The following SORCS2 variants were observed in gnomAD, a reference collection of about 807,000 sequenced individuals.
SORCS2 encodes sortilin related VPS10 domain containing receptor 2.
A neutral mutation model predicts 141.6 loss-of-function variants in SORCS2; 100 were observed. The observed-to-expected ratio is 0.71, with a 90% confidence interval of 0.60 to 0.83. SORCS2 has a LOEUF of 0.83. Among genes scored for constraint, SORCS2 ranks in the 40% least tolerant of loss-of-function variants. SORCS2 has a pLI of 0.00. For missense variants in SORCS2, 1,646 were observed against 1,560.2 expected, an observed-to-expected ratio of 1.05 and a Z score of -0.93; for synonymous variants, 789 against 676.9, an observed-to-expected ratio of 1.17 and a Z score of -2.57.
intron 5 of SORCS2, among the ~76,000 whole-genome samples, chr4:7,656,189 G>A (rs1022155913): frequency 2.6e-5 from 4 of 152,232 alleles, no homozygotes; most frequent in African/African-American, 7.2e-5. Context: ...ACTCATTAAC[G>A]TTTTGTGAAG....
In SORCS2 at chr4:7,661,572, G is replaced by T. The variant is rs531990014; in HGVS notation, c.952+8G>T. 1.3e-6 allele frequency: 2 copies of T among 1,551,640 alleles called. No homozygotes were observed. Among genetic ancestry groups the T allele is most frequent in the Non-Finnish European group, 1.7e-6 (2 of 1,147,018 alleles). Reference sequence around the variant, plus strand: ...CCCAAGACCTCGGTGGAGGTAAGCCGGGCAGTGCACAGGCACCGGGTATCC... The same window carrying T: ...CCCAAGACCTCGGTGGAGGTAAGCCTGGCAGTGCACAGGCACCGGGTATCC... On this transcript the variant is annotated splice_region_variant and intron_variant, in intron 6 of 26. Transcript: ENST00000507866.
intron 1 of SORCS2, among the ~76,000 whole-genome samples, chr4:7,362,059 G>T (rs765003100): frequency 6.6e-5 from 10 of 152,202 alleles, no homozygotes; most frequent in African/African-American, 1.2e-4. Context: ...GCGTGGATTT[G>T]TCCTTGCCTC....
chr4:7,566,562 G>A (rs933987673), intron 3 of SORCS2, among the ~76,000 whole-genome samples: 5 of 152,266 alleles, frequency 3.3e-5, no homozygotes. Flanking sequence ...ACCAGCTGCA[G>A]TGACAAGCAA....
intron 26 of SORCS2, among the ~76,000 whole-genome samples, chr4:7,739,911 G>C (rs1044490997): frequency 6.6e-6 from 1 of 152,190 alleles, no homozygotes; most frequent in African/African-American, 2.4e-5. Flanking sequence ...CCGATGCCGG[G>C]GGCGATCCCC....
At chr4:7,212,483 A>T (rs575978552) in intron 1 of SORCS2, among the ~76,000 whole-genome samples, 1 of 152,344 alleles carries the variant, frequency 6.6e-6, no homozygotes, top group Non-Finnish European at 1.5e-5. Flanking sequence ...GGCTTCAGGC[A>T]TGACTGGCTC....
At chr4:7,255,340 T>G (rs1713783703) in intron 1 of SORCS2, among the ~76,000 whole-genome samples, 1 of 152,146 alleles carries the variant, frequency 6.6e-6, no homozygotes, top group African/African-American at 2.4e-5. Flanking sequence ...TCCTTGTTCA[T>G]CTTCATATTG....
chr4:7,210,391 C>T (rs780878186), intron 1 of SORCS2, among the ~76,000 whole-genome samples: 16 of 152,264 alleles, frequency 1.1e-4, no homozygotes, highest in Non-Finnish European at 1.3e-4. Flanking sequence ...ACGCCCTCCT[C>T]CTGCCTCGGC....
Position 7,612,594 on chromosome 4 carries a change from TG to T in SORCS2, c.649-25731del, listed in dbSNP as rs1430858677. The stretch of plus-strand genomic sequence containing the variant: ...AAGACCCCAGCCTGCCCTGCTCCCC[TG>T]GGCCCCACGCAGTGACTCGGCTGGG... On this transcript the variant is annotated intron_variant, in intron 3 of 26. Transcript: ENST00000507866. Among the ~76,000 whole-genome samples, 10 of 152,244 alleles carry T rather than the reference TG, an allele frequency of 6.6e-5. No homozygotes were observed. The East Asian group carries it at 1.7e-3, about 27-fold the overall frequency.
chr4:7,535,853 C>T (rs768643696), intron 3 of SORCS2, among the ~76,000 whole-genome samples: 39 of 152,244 alleles, frequency 2.6e-4, no homozygotes, highest in Non-Finnish European at 4.0e-4. Flanking sequence ...TCTGCACCCA[C>T]CTGGTTCCCT....
At chr4:7,479,781 T>C (rs1048396646) in intron 2 of SORCS2, among the ~76,000 whole-genome samples, 8 of 152,232 alleles carry the variant, frequency 5.3e-5, no homozygotes, top group Non-Finnish European at 1.2e-4. Context: ...TGAATGTGAA[T>C]GTGAATGTCC....
At chr4:7,538,379 C>G (rs1712299160) in intron 3 of SORCS2, among the ~76,000 whole-genome samples, 1 of 152,222 alleles carries the variant, frequency 6.6e-6, no homozygotes, top group African/African-American at 2.4e-5. Context: ...CACACATCCC[C>G]TGCAATGCTC....
chr4:7,348,840 A>G (rs760366799), intron 1 of SORCS2, among the ~76,000 whole-genome samples: 24 of 152,216 alleles, frequency 1.6e-4, no homozygotes, highest in Non-Finnish European at 2.6e-4. Flanking sequence ...GGCATGAGCC[A>G]CTGCACCAGG....
intron 3 of SORCS2, among the ~76,000 whole-genome samples, chr4:7,556,050 G>T (rs1312020720): frequency 6.6e-6 from 1 of 152,212 alleles, no homozygotes. Context: ...TGGGAGAAAT[G>T]GGGAGCCAGT....
In SORCS2 at chr4:7,427,547, G is replaced by A. The variant is rs762511627; in HGVS notation, c.548+31192G>A. Among the ~76,000 whole-genome samples the A allele has an allele frequency of 3.3e-5, 5 of 152,210 alleles. No individual in the cohort carries two copies. The South Asian group carries it at 1.0e-3, about 32-fold the overall frequency. ...AGCATACTTCCTCCTGCCTTTGGCA[G>A]CTGACCATCTGTGTTAGTGCGTTCT... is the stretch of plus-strand genomic sequence containing the variant. On this transcript the variant is annotated intron_variant, in intron 2 of 26. Coordinates refer to ENST00000507866, the MANE Select transcript of SORCS2 (RefSeq NM_020777.3).
At chr4:7,433,986 C>T in intron 2 of SORCS2, 1 of 1,613,786 alleles carries the variant, frequency 6.2e-7, no homozygotes, top group Non-Finnish European at 8.5e-7. Flanking sequence ...GCACCACGTT[C>T]ATGCACACCT....
intron 26 of SORCS2, among the ~76,000 whole-genome samples, chr4:7,737,430 C>T (rs556024944): frequency 2.0e-5 from 3 of 152,218 alleles, no homozygotes; most frequent in Non-Finnish European, 2.9e-5. Flanking sequence ...CTGGCAATGA[C>T]CAAAAGCCCC....
chr4:7,634,582 A>C (rs1037639092), intron 3 of SORCS2, among the ~76,000 whole-genome samples: 2 of 152,230 alleles, frequency 1.3e-5, no homozygotes, highest in Non-Finnish European at 2.9e-5. Flanking sequence ...TAAACAATGG[A>C]GGGGAAGAGA....
At chr4:7,703,405 GC>G (rs1460367063) in intron 13 of SORCS2, 34 bp downstream of exon 13, 1 of 1,561,088 alleles carries the variant, frequency 6.4e-7, no homozygotes, top group African/African-American at 1.4e-5. Context: ...GGCAGGGAGG[GC>G]AGGCTGGGGC....
intron 2 of SORCS2, among the ~76,000 whole-genome samples, chr4:7,404,664 C>A (rs531154436): frequency 2.8e-4 from 42 of 152,240 alleles, no homozygotes; most frequent in Non-Finnish European, 4.4e-4. Flanking sequence ...TGAAAAATGT[C>A]TATTTGTGTC....
Sources: allele counts gnomAD v4.1 joint callset (sites outside exome capture counted in the v4.1 genomes callset), GRCh38; gene constraint gnomAD v4.1.1; transcripts MANE v1.5; gene names NCBI Gene and HGNC (gene_info 2026-07-23, HGNC 2026-07-21).